Variants in BLMH observed in about 807,000 individuals in gnomAD.
BLMH encodes the protein BLM hydrolase.
A neutral mutation model predicts 61.6 loss-of-function variants in BLMH; 32 were observed. That is an observed-to-expected ratio of 0.52 (90% CI 0.39 to 0.70). The LOEUF (loss-of-function observed/expected upper bound fraction) is 0.70. BLMH is among the 30% of genes least tolerant of loss of function. The probability of loss-of-function intolerance (pLI) is 0.00; values close to 1 mark genes in which losing one functional copy is unlikely to be tolerated. For synonymous variants in BLMH, 183 were observed against 193.8 expected, an observed-to-expected ratio of 0.94 and a Z score of 0.46; for missense variants, 460 against 555.5, an observed-to-expected ratio of 0.83 and a Z score of 1.73.
rs115813014 is a variant in BLMH at position 30,270,087 on chromosome 17, A to T, written c.1146+1184T>A. Among the ~76,000 whole-genome samples the T allele has an allele frequency of 4.7e-3, 715 of 152,336 alleles. 4 individuals carry two copies. Among genetic ancestry groups the T allele is most frequent in the African/African-American group, 0.016 (672 of 41,580 alleles). On this transcript the variant is annotated intron_variant, in intron 10 of 11. Coordinates refer to ENST00000261714, the MANE Select transcript of BLMH (RefSeq NM_000386.4). ...AATTCTGCATAGAGTATAAAAAGCA[A>T]ATCAGGACTTTTAGATAGGCTAGTT... is the stretch of plus-strand genomic sequence containing the variant.
intron 11 of BLMH, among the ~76,000 whole-genome samples, chr17:30,262,724 G>A (rs1907990831): frequency 6.6e-6 from 1 of 152,210 alleles, no homozygotes; most frequent in African/African-American, 2.4e-5. Context: ...GAACCTGGGA[G>A]GCGAAGCTTG....
At chr17:30,291,572 C>A in intron 1 of BLMH, 64 bp from the exon 2 acceptor site, 1 of 1,579,914 alleles carries the variant, frequency 6.3e-7, no homozygotes, top group Non-Finnish European at 8.7e-7. Context: ...CTGGGGCTCC[C>A]GCGTCCCGAA....
rs747421308 is a variant in BLMH, at chr17:30,274,211, G to C, written c.646-14C>G. ...CACTCGGAATATCTGGAAGAGAGGA[G>C]GAGGAAAGGCGAGCAATGGTTAGGG... is the stretch of plus-strand genomic sequence containing the variant. On this transcript the variant is annotated splice_polypyrimidine_tract_variant and intron_variant, in intron 6 of 11. Transcript: ENST00000261714. The C allele has an allele frequency of 3.7e-6, 6 of 1,611,502 alleles. No individual in the cohort carries two copies. The Admixed American group carries it at 6.7e-5, about 18-fold the overall frequency.
At chr17:30,261,160 T>C (rs375662211) in intron 11 of BLMH, among the ~76,000 whole-genome samples, 63 of 152,344 alleles carry the variant, frequency 4.1e-4, no homozygotes, top group African/African-American at 1.4e-3. Context: ...AAATAACTGA[T>C]TGTCTTTTGT....
At chr17:30,270,439 T>A (rs1363968932) in intron 10 of BLMH, among the ~76,000 whole-genome samples, 1 of 151,340 alleles carries the variant, frequency 6.6e-6, no homozygotes, top group East Asian at 1.9e-4. Context: ...GAGGTGGAGG[T>A]TGCAGTGAGC....
In BLMH at chr17:30,271,300, C is replaced by T. The variant is rs1382347908; in HGVS notation, c.1117G>A (p.Ala373Thr). 3.1e-6 allele frequency: 5 copies of T among 1,613,810 alleles called. No homozygotes were observed. Among genetic ancestry groups the T allele is most frequent in the Non-Finnish European group, 4.2e-6 (5 of 1,179,746 alleles). Reference sequence around the variant, plus strand: ...TCTGAGACAGCAGTGAAGGTCATGGCGTGGGTCATAAGTGACTCACCAAAA... The same window carrying T: ...TCTGAGACAGCAGTGAAGGTCATGGTGTGGGTCATAAGTGACTCACCAAAA... ...LTFGESLMTH[A>T]MTFTAVSEKD... Residue 373 changes from alanine (A) to threonine (T), a missense_variant, in exon 10 of 12, where the codon GCC becomes ACC. Coordinates refer to ENST00000261714, the MANE Select transcript of BLMH (RefSeq NM_000386.4).
At chr17:30,274,335 T>C (rs1454279235) in intron 6 of BLMH, 138 bp from the exon 7 acceptor site, 1 of 982,554 alleles carries the variant, frequency 1.0e-6, no homozygotes. Context: ...AGAAATCTAA[T>C]ACTGCGTCAA....
chr17:30,275,696 A>T (rs1471317372), intron 6 of BLMH, among the ~76,000 whole-genome samples: 2 of 152,066 alleles, frequency 1.3e-5, no homozygotes, highest in Non-Finnish European at 2.9e-5. Context: ...AAAAAAAAAA[A>T]GAAAGCAATG....
intron 6 of BLMH, 24 bp from the exon 7 acceptor site, chr17:30,274,221 C>T (rs375009285): frequency 5.5e-5 from 88 of 1,609,018 alleles, no homozygotes; most frequent in African/African-American, 5.0e-4. Context: ...GGAGGAAAGG[C>T]GAGCAATGGT....
At chr17:30,261,568 G>T (rs770307713) in intron 11 of BLMH, among the ~76,000 whole-genome samples, 1 of 152,138 alleles carries the variant, frequency 6.6e-6, no homozygotes, top group East Asian at 1.9e-4. Context: ...GAAACAAATT[G>T]TCCATGTTAT....
intron 10 of BLMH, among the ~76,000 whole-genome samples, chr17:30,270,434 G>A (rs940818031): frequency 2.6e-5 from 4 of 151,690 alleles, no homozygotes; most frequent in Non-Finnish European, 5.9e-5. Flanking sequence ...CCCCAGAGGT[G>A]GAGGTTGCAG....
chr17:30,269,097 A>G (rs1908193360), intron 10 of BLMH, among the ~76,000 whole-genome samples: 2 of 151,728 alleles, frequency 1.3e-5, no homozygotes, highest in African/African-American at 4.8e-5. Context: ...TATAGTTTAA[A>G]AATTTATTTA....
chr17:30,256,851 A>G (rs1482619698), intron 11 of BLMH, among the ~76,000 whole-genome samples: 1 of 152,242 alleles, frequency 6.6e-6, no homozygotes, highest in African/African-American at 2.4e-5. Context: ...GATAATTTCA[A>G]CAGATAATTG....
chr17:30,258,075 C>T (rs1907862236), intron 11 of BLMH, among the ~76,000 whole-genome samples: 1 of 152,070 alleles, frequency 6.6e-6, no homozygotes, highest in Non-Finnish European at 1.5e-5. Flanking sequence ...CCAAACGATC[C>T]TCCTGCCTCA....
chr17:30,257,215 G>C (rs949911140), intron 11 of BLMH, among the ~76,000 whole-genome samples: 3 of 152,188 alleles, frequency 2.0e-5, no homozygotes, highest in African/African-American at 7.2e-5. Flanking sequence ...CTGCAATACT[G>C]TTTGTAATAG....
In BLMH at chr17:30,274,114, C is replaced by T. The variant is rs1236062387; in HGVS notation, c.729G>A (p.Gln243=). 1 of 1,614,110 alleles carries T rather than the reference C, an allele frequency of 6.2e-7. No homozygotes were observed. Among genetic ancestry groups the T allele is most frequent in the South Asian group, 1.1e-5 (1 of 91,080 alleles). Residue 243 remains glutamine, a synonymous_variant, in exon 7 of 12, where the codon CAG becomes CAA. Coordinates refer to ENST00000261714, the MANE Select transcript of BLMH (RefSeq NM_000386.4). ...CCAAGGGTGTTATGGGGCCAATTTTCTGATAATTTTTATCTTTGTCTCGAT... is the reference window on the plus strand; with the variant it reads ...CCAAGGGTGTTATGGGGCCAATTTTTTGATAATTTTTATCTTTGTCTCGAT... ...WEYRDKDKNY[Q]KIGPITPLEF...
At chr17:30,260,139 A>G (rs1020532190) in intron 11 of BLMH, among the ~76,000 whole-genome samples, 9 of 152,168 alleles carry the variant, frequency 5.9e-5, no homozygotes, top group African/African-American at 2.2e-4. Flanking sequence ...CCTATTTTAC[A>G]GATGAGAAAG....
rs73989825 is a variant in BLMH at position 30,291,261 on chromosome 17, G to A, written c.211+50C>T. 1,414 of 1,578,934 alleles carry A rather than the reference G, an allele frequency of 9.0e-4. 10 individuals carry two copies. In the African/African-American group the frequency reaches 0.017, roughly 19 times the overall value. The stretch of plus-strand genomic sequence containing the variant: ...ACTCTTAAATAAGACACCAAAATGG[G>A]ACGCTGTCAGGAAGGTCAAGGAACG... On this transcript the variant is annotated intron_variant, in intron 2 of 11. Coordinates refer to ENST00000261714, the MANE Select transcript of BLMH (RefSeq NM_000386.4).
intron 2 of BLMH, among the ~76,000 whole-genome samples, chr17:30,290,185 A>AT (rs1241408575): frequency 6.6e-6 from 1 of 152,188 alleles, no homozygotes; most frequent in African/African-American, 2.4e-5. Flanking sequence ...TCTATATGCT[A>AT]TATATTTCTA....
Sources: allele counts gnomAD v4.1 joint callset (sites outside exome capture counted in the v4.1 genomes callset), GRCh38; gene constraint gnomAD v4.1.1; transcripts MANE v1.5; gene names NCBI Gene and HGNC (gene_info 2026-07-23, HGNC 2026-07-21).